The following ICAM5 variants were observed in gnomAD, a reference collection of about 807,000 sequenced individuals.
The protein encoded by ICAM5 is ICAM-5.
A neutral mutation model predicts 78.8 loss-of-function variants in ICAM5; 38 were observed. That is an observed-to-expected ratio of 0.48 (90% CI 0.37 to 0.63). The LOEUF (loss-of-function observed/expected upper bound fraction) is 0.63, where lower values mean the gene tolerates loss of function less well. Ranked by LOEUF, ICAM5 falls within the 30% of genes least tolerant of loss-of-function variation. The pLI is 0.00. For missense variants in ICAM5, 1,059 were observed against 1,303.0 expected, an observed-to-expected ratio of 0.81 and a Z score of 2.88; for synonymous variants, 544 against 590.9, an observed-to-expected ratio of 0.92 and a Z score of 1.15.
chr19:10,295,988 T>C (rs2145032364), intron 10 of ICAM5, among the ~76,000 whole-genome samples: 1 of 152,056 alleles, frequency 6.6e-6, no homozygotes, highest in Admixed American at 6.5e-5. Flanking sequence ...AAGATCGCCT[T>C]CTCTCACTTC....
rs2040192354 is a variant in ICAM5, at chr19:10,293,360, G to A, written c.1465+114G>A. The A allele has an allele frequency of 7.3e-7, 1 of 1,377,908 alleles. No homozygotes were observed. Among genetic ancestry groups the A allele is most frequent in the South Asian group, 1.4e-5 (1 of 69,994 alleles). The allele number at this position is 1,377,908 out of a possible 1,614,324, so 85.4% of individuals were successfully genotyped here. Reference sequence around the variant, plus strand: ...GGTGTCCCTTTGGGTGAGGTTTTGGGAAAGGGAAGAGGCTGGTTAGTGGGG... The same window carrying A: ...GGTGTCCCTTTGGGTGAGGTTTTGGAAAAGGGAAGAGGCTGGTTAGTGGGG... On this transcript the variant is annotated intron_variant, in intron 6 of 10. Coordinates refer to ENST00000221980, the MANE Select transcript of ICAM5 (RefSeq NM_003259.4). The surrounding 1 kb of genome is among the most constrained non-coding windows in gnomAD (Gnocchi z 5.0).
chr19:10,290,908 C>T lies in ICAM5; in HGVS notation c.83-164C>T. ...TCGAGGTTTAGACTCTGGGAGTGCG[C>T]CTTTAAACCGGAGGCCTGGGCAGGA... On this transcript the variant is annotated intron_variant, in intron 1 of 10. Coordinates refer to ENST00000221980, the MANE Select transcript of ICAM5 (RefSeq NM_003259.4). This position sits in a 1 kb window ranked among gnomAD's most constrained non-coding sequence, Gnocchi z 5.7. 3 of 851,046 alleles carry T rather than the reference C, an allele frequency of 3.5e-6. No individual in the cohort carries two copies. Among genetic ancestry groups the T allele is most frequent in the Non-Finnish European group, 5.3e-6 (3 of 563,200 alleles). 52.7% of individuals were successfully genotyped at this position (851,046 alleles called of 1,614,324 possible).
In ICAM5 at chr19:10,291,276, A is replaced by G; in HGVS notation, c.287A>G (p.Gln96Arg). Residue 96 changes from glutamine (Q) to arginine (R), a missense_variant, in exon 2 of 11, where the codon CAG (glutamine) becomes CGG (arginine). Physicochemically the swap from Gln to Arg is conservative, Grantham distance 43 (BLOSUM62 1). Around this residue, in one of 3 missense-constraint regions of ICAM5, gnomAD observed 815 missense variants for 952.8 expected, o/e 0.86. Coordinates refer to ENST00000221980, the MANE Select transcript of ICAM5 (RefSeq NM_003259.4). The stretch of plus-strand genomic sequence containing the variant: ...GTGGACATTCGCGAGCCGGAGACTC[A>G]GCCCGTCTGCTTCTTCCGCTGCGCG... ...QLVDIREPETQPVCFFRCARR... is the reference protein window; with the variant it reads ...QLVDIREPETRPVCFFRCARR... 1.2e-6 allele frequency: 2 copies of G among 1,612,628 alleles called. No individual in the cohort carries two copies. The highest frequency in any genetic ancestry group is 1.7e-6 in the Non-Finnish European group (2 of 1,179,914).
In ICAM5 at chr19:10,294,767, G is replaced by C; in HGVS notation, c.2230+127G>C. 7.0e-7 allele frequency: 1 copy of C among 1,438,286 alleles called. No homozygotes were observed. The highest frequency in any genetic ancestry group is 2.4e-5 in the East Asian group (1 of 42,528). The allele number at this position is 1,438,286 out of a possible 1,614,324, so 89.1% of individuals were successfully genotyped here. On this transcript the variant is annotated intron_variant, in intron 9 of 10. Coordinates refer to ENST00000221980, the MANE Select transcript of ICAM5 (RefSeq NM_003259.4). The surrounding 1 kb of genome is among the most constrained non-coding windows in gnomAD (Gnocchi z 7.7). ...GACAGGGAATTCCAGCCTAAACCAG[G>C]GGGTAATGAAAATTCTAGCCAGGCG...
intron 10 of ICAM5, 22 bp downstream of exon 10, chr19:10,295,634 G>A: frequency 1.3e-6 from 2 of 1,531,190 alleles, no homozygotes; most frequent in Non-Finnish European, 8.8e-7. Context: ...CTGGGGAGAG[G>A]CGGGGCGAGG....
At position 10,290,765 on chromosome 19, in the gene ICAM5, C is replaced by A. The variant is rs549127966; in HGVS notation, c.83-307C>A. 11 of 487,532 alleles carry A rather than the reference C, an allele frequency of 2.3e-5. No homozygotes were observed. The South Asian group carries it at 3.4e-4, about 15-fold the overall frequency. 30.2% of individuals were successfully genotyped at this position (487,532 alleles called of 1,614,324 possible). On this transcript the variant is annotated intron_variant, in intron 1 of 10. Coordinates refer to ENST00000221980, the MANE Select transcript of ICAM5 (RefSeq NM_003259.4). This position sits in a 1 kb window ranked among gnomAD's most constrained non-coding sequence, Gnocchi z 5.7. The stretch of plus-strand genomic sequence containing the variant: ...CCCGGGTCCCCTTCTCTCAGCCTTG[C>A]TGTGTTCATCCAAGAACCCACCTTT...
rs999568241 is a variant in ICAM5 at position 10,293,380 on chromosome 19, G to GT, written c.1465+135dup. The GT allele has an allele frequency of 1.5e-5, 19 of 1,248,888 alleles. No homozygotes were observed. The African/African-American group carries it at 2.7e-4, about 18-fold the overall frequency. The allele number at this position is 1,248,888 out of a possible 1,614,324, so 77.4% of individuals were successfully genotyped here. On this transcript the variant is annotated intron_variant, in intron 6 of 10. Coordinates refer to ENST00000221980, the MANE Select transcript of ICAM5 (RefSeq NM_003259.4). The surrounding 1 kb of genome is among the most constrained non-coding windows in gnomAD (Gnocchi z 5.0). ...TTTGGGAAAGGGAAGAGGCTGGTTA[G>GT]TGGGGTTGGAGAAAGATCTTGGAGG... is the stretch of plus-strand genomic sequence containing the variant.
chr19:10,293,372 G>A lies in ICAM5; in HGVS notation c.1465+126G>A. The A allele has an allele frequency of 7.7e-7, 1 of 1,291,420 alleles. No individual in the cohort carries two copies. Among genetic ancestry groups the A allele is most frequent in the Non-Finnish European group, 1.1e-6 (1 of 947,006 alleles). The allele number at this position is 1,291,420 out of a possible 1,614,324, so 80.0% of individuals were successfully genotyped here. On this transcript the variant is annotated intron_variant, in intron 6 of 10. Transcript: ENST00000221980. This position sits in a 1 kb window ranked among gnomAD's most constrained non-coding sequence, Gnocchi z 5.0. ...GGTGAGGTTTTGGGAAAGGGAAGAG[G>A]CTGGTTAGTGGGGTTGGAGAAAGAT...
Position 10,293,902 on chromosome 19 carries a change from C to G in ICAM5, c.1670C>G (p.Pro557Arg). The G allele has an allele frequency of 6.2e-7, 1 of 1,611,676 alleles. No homozygotes were observed. Among genetic ancestry groups the G allele is most frequent in the Non-Finnish European group, 8.5e-7 (1 of 1,179,934 alleles). Residue 557 changes from proline (P) to arginine (R), a missense_variant, in exon 7 of 11, where the codon CCT becomes CGT. Transcript: ENST00000221980. This position sits in a 1 kb window ranked among gnomAD's most constrained non-coding sequence, Gnocchi z 5.0. ...ACTTACCGCTGCGAAGCCACCAACC[C>G]TCGGGGCTCTGCGGCCAAAAATGTG... ...AGTYRCEATN[P>R]RGSAAKNVAV... is the part of the protein sequence containing the mutation.
chr19:10,294,626 C>A lies in ICAM5; in HGVS notation c.2216C>A (p.Thr739Asn). 2 of 1,612,634 alleles carry A rather than the reference C, an allele frequency of 1.2e-6. No individual in the cohort carries two copies. Among genetic ancestry groups the A allele is most frequent in the Non-Finnish European group, 1.7e-6 (2 of 1,179,822 alleles). ...CATGGCACGGACTCCCGGACCGTCACTGTGGGCGTGGAATGTGAGTGGGGG... is the reference window on the plus strand; with the variant it reads ...CATGGCACGGACTCCCGGACCGTCAATGTGGGCGTGGAATGTGAGTGGGGG... ...NAHGTDSRTV[T>N]VGVEYRPVVA... The change falls in exon 9 of 11, where the codon ACT becomes AAT. Residue 739 changes from threonine to asparagine, a missense_variant. By Grantham distance (65) the Thr-to-Asn change is moderately conservative. Around this residue, in one of 3 missense-constraint regions of ICAM5, gnomAD observed 135 missense variants for 230.2 expected, o/e 0.59. Coordinates refer to ENST00000221980, the MANE Select transcript of ICAM5 (RefSeq NM_003259.4). The surrounding 1 kb of genome is among the most constrained non-coding windows in gnomAD (Gnocchi z 7.7).
In ICAM5 at chr19:10,296,753, C is replaced by A; in HGVS notation, c.*137C>A. Reference sequence around the variant, plus strand: ...GCGTCACCCCCATTTTCTACCCATCCCCTCAATAAAGTTTTTATAAAGGAA... The same window carrying A: ...GCGTCACCCCCATTTTCTACCCATCACCTCAATAAAGTTTTTATAAAGGAA... On this transcript the variant is annotated 3_prime_UTR_variant, in exon 11 of 11. Coordinates refer to ENST00000221980, the MANE Select transcript of ICAM5 (RefSeq NM_003259.4). 1 of 740,286 alleles carries A rather than the reference C, an allele frequency of 1.4e-6. No individual in the cohort carries two copies. The highest frequency in any genetic ancestry group is 1.8e-6 in the Non-Finnish European group (1 of 562,860). 45.9% of individuals were successfully genotyped at this position (740,286 alleles called of 1,614,324 possible). A position where few individuals can be genotyped will look rare whatever the true frequency, so the allele number is the denominator to read the frequency against.
rs762526366 is a variant in ICAM5, at chr19:10,292,812, G to T, written c.1162G>T (p.Asp388Tyr). The T allele has an allele frequency of 1.2e-6, 2 of 1,613,312 alleles. No homozygotes were observed. The highest frequency in any genetic ancestry group is 1.7e-6 in the Non-Finnish European group (2 of 1,179,968). ...RRSFFCDATL[D>Y]VDGETLIKNR... ...CAGCTTCTTCTGCGACGCCACCCTC[G>T]ATGTGGACGGGGAGACCCTGATCAA... The change falls in exon 5 of 11, where the codon GAT (aspartate) becomes TAT (tyrosine). Residue 388 changes from aspartate (D) to tyrosine (Y), a missense_variant. Around this residue, in one of 3 missense-constraint regions of ICAM5, gnomAD observed 815 missense variants for 952.8 expected, o/e 0.86. Coordinates refer to ENST00000221980, the MANE Select transcript of ICAM5 (RefSeq NM_003259.4).
Position 10,292,261 on chromosome 19 carries a change from G to T in ICAM5, c.900G>T (p.Leu300=). The T allele has an allele frequency of 1.9e-6, 3 of 1,612,792 alleles. No homozygotes were observed. Among genetic ancestry groups the T allele is most frequent in the East Asian group, 2.2e-5 (1 of 44,870 alleles). ...CAGAGCAGGAGGGTGCCAGGCAGCT[G>T]GTCTGCAACGTCACCCTGGGGGGCG... ...ASAEQEGARQ[L]VCNVTLGGEN... The change falls in exon 4 of 11, where the codon CTG becomes CTT. Residue 300 remains leucine (L), a synonymous_variant. Transcript: ENST00000221980.
At chr19:10,296,011 G>A (rs1488254936) in intron 10 of ICAM5, among the ~76,000 whole-genome samples, 1 of 152,066 alleles carries the variant, frequency 6.6e-6, no homozygotes, top group Admixed American at 6.6e-5. Context: ...GAAGCTCCTG[G>A]GGCTGGGTTC....
chr19:10,296,573 C>T lies in ICAM5; in HGVS notation c.2732C>T (p.Pro911Leu). The T allele has an allele frequency of 1.6e-6, 2 of 1,217,864 alleles. No homozygotes were observed. The highest frequency in any genetic ancestry group is 2.1e-6 in the Non-Finnish European group (2 of 972,266). 75.4% of individuals were successfully genotyped at this position (1,217,864 alleles called of 1,614,324 possible). ...PEAAGGAAES[P>L]AEGEVFAIQL... Reference sequence around the variant, plus strand: ...GCGGCGGGGGGCGCGGCCGAGTCGCCGGCGGAGGGCGAGGTCTTCGCCATA... The same window carrying T: ...GCGGCGGGGGGCGCGGCCGAGTCGCTGGCGGAGGGCGAGGTCTTCGCCATA... Residue 911 changes from proline to leucine, a missense_variant, in exon 11 of 11, where the codon CCG (proline) becomes CTG (leucine). This residue lies in a region of ICAM5 where 109 missense variants were observed against 120.0 expected (regional missense o/e 0.91). Coordinates refer to ENST00000221980, the MANE Select transcript of ICAM5 (RefSeq NM_003259.4).
chr19:10,294,941 C>T lies in ICAM5; in HGVS notation c.2230+301C>T, dbSNP rs2040208488. 6.6e-6 allele frequency among the ~76,000 whole-genome samples: 1 copy of T among 152,094 alleles called. No individual in the cohort carries two copies. Among genetic ancestry groups the T allele is most frequent in the Non-Finnish European group, 1.5e-5 (1 of 68,016 alleles). On this transcript the variant is annotated intron_variant, in intron 9 of 10. Coordinates refer to ENST00000221980, the MANE Select transcript of ICAM5 (RefSeq NM_003259.4). The surrounding 1 kb of genome is among the most constrained non-coding windows in gnomAD (Gnocchi z 7.7). ...TCGTGGTGGTGGGCGCCTGTGGTCCCAGCTACTTGGGAGGCTGAGGCAGGA... is the reference window on the plus strand; with the variant it reads ...TCGTGGTGGTGGGCGCCTGTGGTCCTAGCTACTTGGGAGGCTGAGGCAGGA...
chr19:10,295,311 G>A (rs753753078), intron 9 of ICAM5, 35 bp from the exon 10 acceptor site: 1 of 1,490,184 alleles, frequency 6.7e-7, no homozygotes, highest in Non-Finnish European at 8.9e-7. Context: ...GGCTGGGCCG[G>A]CGCTAAGCCC....
At chr19:10,296,263 C>T (rs897293111) in intron 10 of ICAM5, 76 bp from the exon 11 acceptor site, 12 of 1,211,690 alleles carry the variant, frequency 9.9e-6, no homozygotes, top group Non-Finnish European at 1.2e-5. Flanking sequence ...TGACTTCGTG[C>T]CTGTGGGAGT....
At position 10,295,214 on chromosome 19, in the gene ICAM5, G is replaced by T. The variant is rs955647713; in HGVS notation, c.2231-132G>T. ...CCTGATTGTCGGGGAAGGAGGCTCT[G>T]ATAGGAGGCAGGATCCTCTTCTGCC... On this transcript the variant is annotated intron_variant, in intron 9 of 10. Transcript: ENST00000221980. 3.9e-6 allele frequency: 4 copies of T among 1,035,638 alleles called. No homozygotes were observed. In the African/African-American group the frequency reaches 5.0e-5, roughly 13 times the overall value. 64.2% of individuals were successfully genotyped at this position (1,035,638 alleles called of 1,614,324 possible).
Sources: gnomAD v4.1 joint callset for allele counts (sites outside exome capture counted in the v4.1 genomes callset) on GRCh38, gnomAD v4.1.1 for gene constraint, gnomAD v4.1.1 regional missense constraint, Gnocchi (gnomAD v3.1) non-coding constraint, MANE v1.5 for transcripts, NCBI Gene and HGNC (gene_info 2026-07-23, HGNC 2026-07-21) for gene names.